MDN1: variants seen among roughly 807,000 people sequenced by gnomAD.
The protein encoded by MDN1 is midasin AAA ATPase 1, also known as midasin.
In MDN1, 266 loss-of-function variants were observed where a neutral mutation model predicts 669.2. The ratio of observed to expected loss-of-function variants is 0.40; its 90% CI spans 0.36 to 0.44. MDN1 has a LOEUF of 0.44. Among genes scored for constraint, MDN1 ranks in the 20% least tolerant of loss-of-function variants. The pLI is 1.00. For missense variants in MDN1, 5,940 were observed against 6,754.0 expected (o/e 0.88, Z 4.22); for synonymous variants, 2,385 against 2,457.1 (o/e 0.97, Z 0.87).
chr6:89,678,475 T>G lies in MDN1; in HGVS notation c.12412+124A>C, dbSNP rs1166049880. ...GGAACTCTTAGACATCTGGAAACCT[T>G]GCCTGTACCTTCTGTTGTCCACCAT... On this transcript the variant is annotated intron_variant, in intron 75 of 101. Transcript: ENST00000369393. 7.0e-6 allele frequency: 8 copies of G among 1,144,786 alleles called. No individual in the cohort carries two copies. In the East Asian group the frequency reaches 1.5e-4, roughly 21 times the overall value. 70.9% of individuals were successfully genotyped at this position (1,144,786 alleles called of 1,614,324 possible). A position where few individuals can be genotyped will look rare whatever the true frequency, so the allele number is the denominator to read the frequency against.
chr6:89,802,087 G>GA (rs1767704040), intron 2 of MDN1, among the ~76,000 whole-genome samples: 1 of 152,174 alleles, frequency 6.6e-6, no homozygotes, highest in African/African-American at 2.4e-5. Context: ...AGAAAGCAAG[G>GA]AAAAAACTGG....
intron 61 of MDN1, among the ~76,000 whole-genome samples, chr6:89,694,574 C>T (rs1002413608): frequency 6.6e-6 from 1 of 152,136 alleles, no homozygotes; most frequent in Non-Finnish European, 1.5e-5. Context: ...GACAAGGTCT[C>T]GGCTCTGTAG....
chr6:89,644,296 C>G, intron 101 of MDN1, 103 bp from the exon 102 acceptor site: 1 of 924,538 alleles, frequency 1.1e-6, no homozygotes. Flanking sequence ...TCTCCTGTGT[C>G]TTATTCCTGC....
chr6:89,787,963 T>C lies in MDN1; in HGVS notation c.1231-6A>G. The C allele has an allele frequency of 6.2e-7, 1 of 1,606,274 alleles. No homozygotes were observed. Among genetic ancestry groups the C allele is most frequent in the Non-Finnish European group, 8.5e-7 (1 of 1,174,474 alleles). ...AGAGGGATCAGCACAGAAACCTAAATCAGATAACAACAACCGCACTGATAA... is the reference window on the plus strand; with the variant it reads ...AGAGGGATCAGCACAGAAACCTAAACCAGATAACAACAACCGCACTGATAA... On this transcript the variant is annotated splice_region_variant and splice_polypyrimidine_tract_variant and intron_variant, in intron 7 of 101. Coordinates refer to ENST00000369393, the MANE Select transcript of MDN1 (RefSeq NM_014611.3).
intron 16 of MDN1, 76 bp from the exon 17 acceptor site, chr6:89,761,824 TAACAA>T (rs974351747): frequency 9.5e-7 from 1 of 1,053,516 alleles, no homozygotes; most frequent in African/African-American, 1.6e-5. Context: ...CAAATACAAT[TAACAA>T]AACACACAAA....
chr6:89,813,813 G>C (rs1338885418), intron 1 of MDN1, among the ~76,000 whole-genome samples: 1 of 151,654 alleles, frequency 6.6e-6, no homozygotes, highest in Non-Finnish European at 1.5e-5. Flanking sequence ...AACTAAGTAA[G>C]TATGCCTGTA....
intron 73 of MDN1, among the ~76,000 whole-genome samples, chr6:89,681,679 C>T (rs1397470693): frequency 6.6e-6 from 1 of 152,144 alleles, no homozygotes; most frequent in East Asian, 1.9e-4. Flanking sequence ...TCTCTGCAGC[C>T]ATCTTATGGC....
Position 89,727,975 on chromosome 6 carries a change from G to T in MDN1, c.5350-20C>A. The T allele has an allele frequency of 6.3e-7, 1 of 1,587,112 alleles. No homozygotes were observed. Among genetic ancestry groups the T allele is most frequent in the Non-Finnish European group, 8.6e-7 (1 of 1,169,280 alleles). The stretch of plus-strand genomic sequence containing the variant: ...GATGTCCTTTGAAAGGGGAAGAAAT[G>T]GAAAGAAGCCATTATTACTTTAAAA... On this transcript the variant is annotated intron_variant, in intron 36 of 101. Transcript: ENST00000369393.
intron 78 of MDN1, 103 bp downstream of exon 78, chr6:89,675,361 T>C (rs546864129): frequency 1.2e-5 from 11 of 931,936 alleles, no homozygotes; most frequent in African/African-American, 3.3e-5. Flanking sequence ...CATTTCACAA[T>C]TGAGAGCATG....
chr6:89,786,550 T>A (rs938665745), intron 8 of MDN1, among the ~76,000 whole-genome samples: 2 of 152,232 alleles, frequency 1.3e-5, no homozygotes, highest in East Asian at 3.9e-4. Context: ...GTGGTTACAG[T>A]AAGCTACGAT....
Position 89,687,978 on chromosome 6 carries a change from G to A in MDN1, c.11355+100C>T, listed in dbSNP as rs1405649316. ...AACCAAGGATGTTTACCTTTTTCTA[G>A]CCCAAACTATAATTTTCTGTCTAAC... On this transcript the variant is annotated intron_variant, in intron 67 of 101. Transcript: ENST00000369393. The A allele has an allele frequency of 5.5e-6, 6 of 1,082,640 alleles. No homozygotes were observed. In the East Asian group the frequency reaches 1.2e-4, roughly 21 times the overall value. The allele number at this position is 1,082,640 out of a possible 1,614,324, so 67.1% of individuals were successfully genotyped here.
In MDN1 at chr6:89,672,572, G is replaced by A; in HGVS notation, c.13605C>T (p.Asp4535=). Reference sequence around the variant, plus strand: ...CATAATCTTCTTGTGGGCTTGCTTGGTCAGTGTTCTCCTCTGCTTTTTCAT... The same window carrying A: ...CATAATCTTCTTGTGGGCTTGCTTGATCAGTGTTCTCCTCTGCTTTTTCAT... ...RKNEKAEENT[D]QASPQEDYAG... Residue 4535 remains aspartate (D), a synonymous_variant, in exon 81 of 102, where the codon GAC becomes GAT. Transcript: ENST00000369393. 6.2e-7 allele frequency: 1 copy of A among 1,613,914 alleles called. No homozygotes were observed. The highest frequency in any genetic ancestry group is 8.5e-7 in the Non-Finnish European group (1 of 1,179,956).
rs1459661773 is a variant in MDN1, at chr6:89,728,993, C to T, written c.5287G>A (p.Val1763Met). The T allele has an allele frequency of 1.2e-6, 2 of 1,614,036 alleles. No homozygotes were observed. Among genetic ancestry groups the T allele is most frequent in the Non-Finnish European group, 1.7e-6 (2 of 1,180,016 alleles). The change falls in exon 36 of 102, where the codon GTG (valine) becomes ATG (methionine). Residue 1763 changes from valine to methionine, a missense_variant. Physicochemically the swap from Val to Met is conservative, Grantham distance 21. Transcript: ENST00000369393. ...GSPGVGKTSL[V>M]GALAKASGNT... The stretch of plus-strand genomic sequence containing the variant: ...CCTGAAGCCTTTGCTAATGCTCCCA[C>T]CAAACTTGTCTTGCCAACACCAGGG...
intron 66 of MDN1, 85 bp from the exon 67 acceptor site, chr6:89,688,258 A>G: frequency 8.1e-7 from 1 of 1,237,932 alleles, no homozygotes; most frequent in Middle Eastern, 1.9e-4. Context: ...TGACCAGAAG[A>G]TTCCCCCCAG....
At position 89,745,553 on chromosome 6, in the gene MDN1, A is replaced by G. The variant is rs1186863239; in HGVS notation, c.3978T>C (p.His1326=). Residue 1326 remains histidine (H), a synonymous_variant, in exon 28 of 102, where the codon CAT becomes CAC. Transcript: ENST00000369393. ...IDVIQEVLEK[H]FKKKLCPQSL... Reference sequence around the variant, plus strand: ...ATTGAGGACACAATTTTTTCTTGAAATGTTTCTCAAGGACTTCTTGAATCA... The same window carrying G: ...ATTGAGGACACAATTTTTTCTTGAAGTGTTTCTCAAGGACTTCTTGAATCA... The G allele has an allele frequency of 1.2e-6, 2 of 1,614,054 alleles. No homozygotes were observed. The highest frequency in any genetic ancestry group is 1.7e-6 in the Non-Finnish European group (2 of 1,180,022).
chr6:89,747,666 C>T (rs530352067), intron 26 of MDN1, among the ~76,000 whole-genome samples, 196 bp from the exon 27 acceptor site: 24 of 151,434 alleles, frequency 1.6e-4, no homozygotes, highest in Non-Finnish European at 2.2e-4. Flanking sequence ...CCAAGGCGGG[C>T]GGATCACAAG....
chr6:89,804,049 C>T (rs139496866), intron 1 of MDN1, among the ~76,000 whole-genome samples: 2 of 151,648 alleles, frequency 1.3e-5, no homozygotes, highest in East Asian at 3.9e-4. Flanking sequence ...AGGCACCCAC[C>T]ACCACACCAG....
intron 39 of MDN1, 22 bp downstream of exon 39, chr6:89,723,490 A>G: frequency 2.2e-6 from 3 of 1,375,026 alleles, no homozygotes; most frequent in Non-Finnish European, 3.0e-6. Flanking sequence ...AAAAAAAGAA[A>G]CCAATACGTG....
intron 2 of MDN1, among the ~76,000 whole-genome samples, chr6:89,802,661 C>G (rs1005298370): frequency 6.6e-6 from 1 of 151,810 alleles, no homozygotes; most frequent in African/African-American, 2.4e-5. Context: ...TGCACTCTAG[C>G]CTGGTGATAG....
Sources: allele counts gnomAD v4.1 joint callset (sites outside exome capture counted in the v4.1 genomes callset), GRCh38; gene constraint gnomAD v4.1.1; transcripts MANE v1.5; gene names NCBI Gene and HGNC (gene_info 2026-07-23, HGNC 2026-07-21).